The following SCCPDH variants were observed in gnomAD, a reference collection of about 807,000 sequenced individuals.
The protein encoded by SCCPDH is saccharopine dehydrogenase (putative).
SCCPDH carries 34 observed loss-of-function variants against 51.5 expected under a neutral mutation model. That is an observed-to-expected ratio of 0.66 (90% confidence interval 0.50 to 0.88). The LOEUF (loss-of-function observed/expected upper bound fraction) is 0.88. SCCPDH is among the 40% of genes least tolerant of loss of function. The pLI is 0.00. For synonymous variants in SCCPDH, 187 were observed against 191.3 expected, an observed-to-expected ratio of 0.98 and a Z score of 0.19; for missense variants, 464 against 527.1, an observed-to-expected ratio of 0.88 and a Z score of 1.17.
chr1:246,724,565 C>A lies in SCCPDH; in HGVS notation c.143C>A (p.Ser48Tyr), dbSNP rs1219009620. Residue 48 changes from serine (S) to tyrosine (Y), a missense_variant, in exon 1 of 12, where the codon TCC (serine) becomes TAC (tyrosine). Physicochemically the swap from Ser to Tyr is moderately radical, Grantham distance 144 (BLOSUM62 -2). Transcript: ENST00000366510. The part of the protein sequence containing the change: ...SRLPWAVAGR[S>Y]REKLQRVLEK... ...CTGCCCTGGGCCGTGGCGGGCCGCTCCCGGGAGAAGCTGCAGCGGGTGCTG... is the reference window on the plus strand; with the variant it reads ...CTGCCCTGGGCCGTGGCGGGCCGCTACCGGGAGAAGCTGCAGCGGGTGCTG... 1 of 1,535,790 alleles carries A rather than the reference C, an allele frequency of 6.5e-7. No individual in the cohort carries two copies. The highest frequency in any genetic ancestry group is 8.7e-7 in the Non-Finnish European group (1 of 1,143,860).
chr1:246,763,891 C>T (rs1253992592), intron 9 of SCCPDH, among the ~76,000 whole-genome samples: 2 of 152,160 alleles, frequency 1.3e-5, no homozygotes, highest in African/African-American at 4.8e-5. Context: ...TACCTATACT[C>T]CAGGCCCATA....
rs188095292 is a variant in SCCPDH at position 246,729,396 on chromosome 1, C to T, written c.303+2392C>T. Reference sequence around the variant, plus strand: ...ATAAGACAGACACTCCCAGAGCGGCCATTTTAGAGACCTCCCCCTGGGAAT... The same window carrying T: ...ATAAGACAGACACTCCCAGAGCGGCTATTTTAGAGACCTCCCCCTGGGAAT... On this transcript the variant is annotated intron_variant, in intron 2 of 11. Coordinates refer to ENST00000366510, the MANE Select transcript of SCCPDH (RefSeq NM_016002.3). 5.2e-3 allele frequency among the ~76,000 whole-genome samples: 735 copies of T among 140,732 alleles called. 5 individuals are homozygous for T. Among genetic ancestry groups the T allele is most frequent in the Non-Finnish European group, 8.5e-3 (520 of 60,920 alleles). The allele number at this position is 140,732 out of a possible 152,430, so 92.3% of individuals were successfully genotyped here.
At chr1:246,738,816 G>A (rs1045234283) in intron 3 of SCCPDH, among the ~76,000 whole-genome samples, 1 of 152,132 alleles carries the variant, frequency 6.6e-6, no homozygotes, top group Non-Finnish European at 1.5e-5. Flanking sequence ...CTGCACCATC[G>A]CACTCCAGCC....
rs1669116245 is a variant in SCCPDH at position 246,768,111 on chromosome 1, T to A, written c.*811T>A. On this transcript the variant is annotated 3_prime_UTR_variant, in exon 12 of 12. Transcript: ENST00000366510. ...AAGACTTTTTCTTTTGTAATAAGCA[T>A]ATAATAAACACGTATATACATAGCA... 1 of 152,156 alleles carries A rather than the reference T, an allele frequency of 6.6e-6. No homozygotes were observed. The highest frequency in any genetic ancestry group is 1.5e-5 in the Non-Finnish European group (1 of 68,034). The allele number at this position is 152,156 out of a possible 1,614,324, so 9.4% of individuals were successfully genotyped here.
chr1:246,743,013 G>C (rs1448594678), intron 4 of SCCPDH, among the ~76,000 whole-genome samples: 4 of 152,070 alleles, frequency 2.6e-5, no homozygotes, highest in African/African-American at 7.2e-5. Context: ...AGGGTGTTTT[G>C]ATAGTTTTTG....
At chr1:246,740,337 C>G in intron 4 of SCCPDH, 36 bp downstream of exon 4, 1 of 1,527,782 alleles carries the variant, frequency 6.5e-7, no homozygotes, top group South Asian at 1.3e-5. Context: ...TGGAATTTAA[C>G]AGTACCGTGC....
chr1:246,732,590 A>G (rs1668507653), intron 2 of SCCPDH, among the ~76,000 whole-genome samples: 1 of 152,096 alleles, frequency 6.6e-6, no homozygotes, highest in Admixed American at 6.6e-5. Flanking sequence ...GTTTTACCAA[A>G]TTGGTCAGGC....
At chr1:246,756,171 G>A (rs1409351890) in intron 5 of SCCPDH, among the ~76,000 whole-genome samples, 2 of 152,162 alleles carry the variant, frequency 1.3e-5, no homozygotes, top group East Asian at 1.9e-4. Context: ...CTTACAACAC[G>A]TGGTAAATCC....
chr1:246,748,443 T>A (rs1668795944), intron 5 of SCCPDH, among the ~76,000 whole-genome samples: 1 of 152,224 alleles, frequency 6.6e-6, no homozygotes, highest in South Asian at 2.1e-4. Flanking sequence ...GGTACAACAC[T>A]GAGTTTCAAT....
chr1:246,759,846 C>T lies in SCCPDH; in HGVS notation c.814-111C>T, dbSNP rs1668984541. On this transcript the variant is annotated intron_variant, in intron 7 of 11. Transcript: ENST00000366510. The stretch of plus-strand genomic sequence containing the variant: ...ACATAATGCATTTGTAAAGTGGAAA[C>T]TGCTTTTGTTCCACATTTGTGATGG... 29 of 1,172,932 alleles carry T rather than the reference C, an allele frequency of 2.5e-5. No individual in the cohort carries two copies. In the South Asian group the frequency reaches 5.0e-4, roughly 20 times the overall value. The allele number at this position is 1,172,932 out of a possible 1,614,324, so 72.7% of individuals were successfully genotyped here.
chr1:246,761,063 C>A (rs1669005182), intron 9 of SCCPDH, among the ~76,000 whole-genome samples: 1 of 152,164 alleles, frequency 6.6e-6, no homozygotes, highest in African/African-American at 2.4e-5. Context: ...TTCCTCCTCT[C>A]TGGATGATAT....
intron 11 of SCCPDH, among the ~76,000 whole-genome samples, chr1:246,766,745 T>C: frequency 6.6e-6 from 1 of 152,234 alleles, no homozygotes. Context: ...CTTGAAAATA[T>C]TTAGCATTTA....
chr1:246,725,820 G>A (rs1436844930), intron 1 of SCCPDH, among the ~76,000 whole-genome samples: 2 of 152,220 alleles, frequency 1.3e-5, no homozygotes, highest in East Asian at 3.9e-4. Context: ...GTTTCATTGT[G>A]GGGGGATATA....
chr1:246,746,583 G>A (rs1668764963), intron 5 of SCCPDH, among the ~76,000 whole-genome samples: 1 of 152,234 alleles, frequency 6.6e-6, no homozygotes, highest in Non-Finnish European at 1.5e-5. Flanking sequence ...GCTCACGCCT[G>A]TAATCCCAGC....
Position 246,746,505 on chromosome 1 carries a change from G to A in SCCPDH, c.564+2380G>A, listed in dbSNP as rs185562590. On this transcript the variant is annotated intron_variant, in intron 5 of 11. Coordinates refer to ENST00000366510, the MANE Select transcript of SCCPDH (RefSeq NM_016002.3). The stretch of plus-strand genomic sequence containing the variant: ...ACTTCTTTCTTTGGAGGCAGAAACT[G>A]GGCATAAGACAATATTAGGGGTGGT... 5.8e-3 allele frequency among the ~76,000 whole-genome samples: 889 copies of A among 152,240 alleles called. 12 individuals carry two copies. The highest frequency in any genetic ancestry group is 0.02 in the African/African-American group (820 of 41,522).
At chr1:246,733,928 C>T (rs1211627752) in intron 2 of SCCPDH, among the ~76,000 whole-genome samples, 3 of 152,182 alleles carry the variant, frequency 2.0e-5, no homozygotes, top group Non-Finnish European at 4.4e-5. Flanking sequence ...CAGTGAGCAA[C>T]TCTAGACATA....
intron 2 of SCCPDH, 126 bp downstream of exon 2, chr1:246,727,130 T>A: frequency 1.4e-6 from 1 of 722,426 alleles, no homozygotes; most frequent in Non-Finnish European, 2.3e-6. Flanking sequence ...TATGGGGAGT[T>A]TTTTCTTCTT....
At chr1:246,762,828 G>A (rs935020696) in intron 9 of SCCPDH, among the ~76,000 whole-genome samples, 2 of 137,554 alleles carry the variant, frequency 1.5e-5, no homozygotes, top group African/African-American at 5.6e-5. Flanking sequence ...GCAACACAGC[G>A]AGATTCCTTC....
At chr1:246,728,665 T>A (rs1668438632) in intron 2 of SCCPDH, among the ~76,000 whole-genome samples, 1 of 152,214 alleles carries the variant, frequency 6.6e-6, no homozygotes, top group South Asian at 2.1e-4. Flanking sequence ...TTCCTTGTTC[T>A]TATCTGATTT....
Sources: allele counts gnomAD v4.1 joint callset (sites outside exome capture counted in the v4.1 genomes callset), GRCh38; gene constraint gnomAD v4.1.1; transcripts MANE v1.5; gene names NCBI Gene and HGNC (gene_info 2026-07-23, HGNC 2026-07-21).